The following TRPM7 variants were observed in gnomAD, a reference collection of about 807,000 sequenced individuals.
The protein encoded by TRPM7 is transient receptor potential cation channel subfamily M member 7, also known as LTRPC ion channel family member 7.
A neutral mutation model predicts 229.7 loss-of-function variants in TRPM7; 134 were observed. The observed-to-expected ratio is 0.58, with a 90% CI of 0.51 to 0.67. TRPM7 has a LOEUF of 0.67. Ranked by LOEUF, TRPM7 falls within the 30% of genes least tolerant of loss-of-function variation. The pLI is 0.00. For synonymous variants in TRPM7, 699 were observed against 715.2 expected (o/e 0.98, Z 0.36); for missense variants, 1,901 against 2,210.0 (o/e 0.86, Z 2.80).
intron 38 of TRPM7, among the ~76,000 whole-genome samples, chr15:50,564,256 A>ATAACATAACATAAC (rs1566928054): frequency 2.3e-5 from 1 of 43,544 alleles, no homozygotes; most frequent in Non-Finnish European, 4.8e-5. Flanking sequence ...CAAAAAATAA[A>ATAACATAACATAAC]ATAAAATAAA....
At chr15:50,617,000 G>C (rs2060239264) in intron 13 of TRPM7, among the ~76,000 whole-genome samples, 1 of 151,926 alleles carries the variant, frequency 6.6e-6, no homozygotes, top group African/African-American at 2.4e-5. Context: ...ATAAAGAAAA[G>C]CACATGCAGG....
At chr15:50,589,220 G>A (rs1320600304) in intron 27 of TRPM7, among the ~76,000 whole-genome samples, 5 of 151,020 alleles carry the variant, frequency 3.3e-5, no homozygotes, top group Non-Finnish European at 7.4e-5. Flanking sequence ...TACTCAAGAG[G>A]CTGAGGCAGG....
At chr15:50,570,645 C>A (rs966954438) in intron 36 of TRPM7, among the ~76,000 whole-genome samples, 1 of 144,122 alleles carries the variant, frequency 6.9e-6, no homozygotes, top group African/African-American at 2.6e-5. Flanking sequence ...GAGTTCGAGA[C>A]CAGCCTGACC....
Position 50,686,724 on chromosome 15 carries a change from G to A in TRPM7, c.-191C>T. On this transcript the variant is annotated 5_prime_UTR_variant, in exon 1 of 39. Coordinates refer to ENST00000646667, the MANE Select transcript of TRPM7 (RefSeq NM_017672.6). ...CAGAAGCCGAGTCTTTCATAATTGT[G>A]CGACCAACTCCTCCGGGTGACTGGC... 1 of 694,634 alleles carries A rather than the reference G, an allele frequency of 1.4e-6. No individual in the cohort carries two copies. The highest frequency in any genetic ancestry group is 2.3e-6 in the Non-Finnish European group (1 of 442,542). The allele number at this position is 694,634 out of a possible 1,614,324, so 43.0% of individuals were successfully genotyped here.
At chr15:50,631,345 TACACACATAC>T in intron 10 of TRPM7, 62 bp downstream of exon 10, 2 of 802,206 alleles carry the variant, frequency 2.5e-6, no homozygotes, top group Non-Finnish European at 4.0e-6. Context: ...CATACACATA[TACACACATAC>T]ACACACATAT....
At chr15:50,674,779 A>G (rs2062058923) in intron 1 of TRPM7, among the ~76,000 whole-genome samples, 1 of 152,100 alleles carries the variant, frequency 6.6e-6, no homozygotes, top group South Asian at 2.1e-4. Context: ...TCTAAAGGAG[A>G]GCTGTGCCAG....
chr15:50,595,561 A>G (rs1200404326), intron 23 of TRPM7, among the ~76,000 whole-genome samples: 2 of 152,076 alleles, frequency 1.3e-5, no homozygotes, highest in Admixed American at 1.3e-4. Flanking sequence ...ATAAAACAGT[A>G]CATAAAATAT....
chr15:50,599,133 T>G lies in TRPM7; in HGVS notation c.3152A>C (p.Tyr1051Ser), dbSNP rs2059709714. 7 of 1,598,990 alleles carry G rather than the reference T, an allele frequency of 4.4e-6. No individual in the cohort carries two copies. Among genetic ancestry groups the G allele is most frequent in the Non-Finnish European group, 6.0e-6 (7 of 1,174,464 alleles). Residue 1051 changes from tyrosine (Y) to serine (S), a missense_variant, in exon 22 of 39, where the codon TAC becomes TCC. Tyr to Ser is a moderately radical substitution (Grantham distance 144). Around this residue, in one of 8 missense-constraint regions of TRPM7, gnomAD observed 89 missense variants for 178.2 expected, o/e 0.50. Transcript: ENST00000646667. ...TATACAATTCTTACCATCAATTTCGTATGCATAAACTTCACCAAAAATCAT... is the reference window on the plus strand; with the variant it reads ...TATACAATTCTTACCATCAATTTCGGATGCATAAACTTCACCAAAAATCAT... ...YWMIFGEVYAYEIDVCANDSV... is the reference protein window; with the variant it reads ...YWMIFGEVYASEIDVCANDSV...
intron 5 of TRPM7, among the ~76,000 whole-genome samples, chr15:50,643,126 T>C (rs1214123849): frequency 1.3e-5 from 2 of 152,056 alleles, no homozygotes; most frequent in East Asian, 3.8e-4. Context: ...TCGTCTCTAC[T>C]AAAAATACAA....
intron 7 of TRPM7, among the ~76,000 whole-genome samples, chr15:50,635,544 T>C (rs925831709): frequency 1.3e-5 from 2 of 148,898 alleles, no homozygotes; most frequent in African/African-American, 5.0e-5. Flanking sequence ...GCGCCTGCAG[T>C]CCCAGCTACT....
At chr15:50,655,261 C>T (rs924380798) in intron 3 of TRPM7, among the ~76,000 whole-genome samples, 2 of 151,278 alleles carry the variant, frequency 1.3e-5, no homozygotes, top group African/African-American at 4.9e-5. Context: ...AGGTAAAATC[C>T]CATCTCTACT....
At position 50,592,583 on chromosome 15, in the gene TRPM7, C is replaced by G. The variant is rs1441279216; in HGVS notation, c.3652G>C (p.Val1218Leu). ...TGTAATGATCTTTTTATGTAGTTGACACGATCTCCAACTTCTTTAATCTGA... is the reference window on the plus strand; with the variant it reads ...TGTAATGATCTTTTTATGTAGTTGAGACGATCTCCAACTTCTTTAATCTGA... ...CIQIKEVGDR[V>L]NYIKRSLQSL... Residue 1218 changes from valine to leucine, a missense_variant, in exon 26 of 39, where the codon GTC becomes CTC. Around this residue, in one of 8 missense-constraint regions of TRPM7, gnomAD observed 533 missense variants for 497.1 expected, o/e 1.07. Coordinates refer to ENST00000646667, the MANE Select transcript of TRPM7 (RefSeq NM_017672.6). 1 of 1,605,352 alleles carries G rather than the reference C, an allele frequency of 6.2e-7. No homozygotes were observed. Among genetic ancestry groups the G allele is most frequent in the Non-Finnish European group, 8.5e-7 (1 of 1,178,874 alleles).
chr15:50,631,179 C>A (rs2060718257), intron 10 of TRPM7, among the ~76,000 whole-genome samples: 1 of 152,038 alleles, frequency 6.6e-6, no homozygotes, highest in Non-Finnish European at 1.5e-5. Flanking sequence ...GTGGCATAAA[C>A]CTTGCTAAAA....
intron 12 of TRPM7, among the ~76,000 whole-genome samples, chr15:50,620,659 G>C (rs1027939036): frequency 1.3e-5 from 2 of 152,064 alleles, no homozygotes; most frequent in Non-Finnish European, 2.9e-5. Context: ...GGCTGGGCGC[G>C]GTGGCTCAAG....
intron 13 of TRPM7, among the ~76,000 whole-genome samples, chr15:50,618,327 T>G (rs1035348640): frequency 6.6e-6 from 1 of 152,018 alleles, no homozygotes; most frequent in African/African-American, 2.4e-5. Flanking sequence ...TCCCAGCACT[T>G]TGGGAGGCCA....
At chr15:50,586,669 C>A in intron 27 of TRPM7, 181 bp from the exon 28 acceptor site, 1 of 464,566 alleles carries the variant, frequency 2.2e-6, no homozygotes, top group Non-Finnish European at 3.8e-6. Context: ...AAAGCTGCAC[C>A]AAAACACCTT....
chr15:50,656,442 T>TA, intron 3 of TRPM7, among the ~76,000 whole-genome samples: 1 of 152,000 alleles, frequency 6.6e-6, no homozygotes, highest in East Asian at 1.9e-4. Context: ...TTCAGCCTCT[T>TA]AAGTAGCTGG....
chr15:50,574,390 T>C lies in TRPM7; in HGVS notation c.5192A>G (p.Asn1731Ser), dbSNP rs772990448. The change falls in exon 36 of 39, where the codon AAC becomes AGC. Residue 1731 changes from asparagine (N) to serine (S), a missense_variant. Coordinates refer to ENST00000646667, the MANE Select transcript of TRPM7 (RefSeq NM_017672.6). ...ECMTGEFRKY[N>S]NNNGDEIIPT... is the part of the protein sequence containing the mutation. ...AATAATCTCATCTCCATTATTATTG[T>C]TGTATTTTCTAAATTCTCCAGTCAT... is the stretch of plus-strand genomic sequence containing the variant. 3.7e-6 allele frequency: 6 copies of C among 1,613,838 alleles called. No individual in the cohort carries two copies. The African/African-American group carries it at 5.3e-5, about 14-fold the overall frequency.
At chr15:50,616,117 T>C (rs1437600342) in intron 13 of TRPM7, among the ~76,000 whole-genome samples, 3 of 152,178 alleles carry the variant, frequency 2.0e-5, no homozygotes, top group Non-Finnish European at 2.9e-5. Flanking sequence ...AATGCCATTA[T>C]ATGAACCCAC....
Sources: allele counts gnomAD v4.1 joint callset (sites outside exome capture counted in the v4.1 genomes callset), GRCh38; gene constraint gnomAD v4.1.1; regional missense constraint gnomAD v4.1.1; transcripts MANE v1.5; gene names NCBI Gene and HGNC (gene_info 2026-07-23, HGNC 2026-07-21).